The following FSTL5 variants were observed in gnomAD, a reference collection of about 807,000 sequenced individuals.
The protein encoded by FSTL5 is follistatin-related protein 5.
Under a neutral mutation model 89.1 loss-of-function variants are expected in FSTL5, and 62 were observed. That is an observed-to-expected ratio of 0.70 (90% CI 0.57 to 0.86). FSTL5 has a LOEUF of 0.86. FSTL5 is among the 40% of genes least tolerant of loss of function. FSTL5 has a pLI of 0.00. For synonymous variants in FSTL5, 383 were observed against 346.2 expected (o/e 1.11, Z -1.18); for missense variants, 1,057 against 1,001.6 (o/e 1.06, Z -0.75).
intron 15 of FSTL5, among the ~76,000 whole-genome samples, chr4:161,420,660 A>G (rs1233715083): frequency 6.6e-6 from 1 of 151,614 alleles, no homozygotes; most frequent in Non-Finnish European, 1.5e-5. Flanking sequence ...CTGTATATGC[A>G]ATATTATTTA....
At chr4:161,663,119 G>A (rs1412311844) in intron 6 of FSTL5, among the ~76,000 whole-genome samples, 1 of 152,002 alleles carries the variant, frequency 6.6e-6, no homozygotes, top group South Asian at 2.1e-4. Flanking sequence ...TGAGAATTCC[G>A]GGAGATAGGA....
intron 2 of FSTL5, among the ~76,000 whole-genome samples, chr4:162,071,917 A>C (rs961172206): frequency 1.3e-5 from 2 of 151,842 alleles, no homozygotes; most frequent in Non-Finnish European, 2.9e-5. Context: ...TCAGTGAAGA[A>C]ATTAATAGGA....
chr4:161,913,123 T>A (rs1482873916), intron 4 of FSTL5, among the ~76,000 whole-genome samples: 3 of 152,124 alleles, frequency 2.0e-5, no homozygotes, highest in African/African-American at 4.8e-5. Flanking sequence ...TCAAAAAAAA[T>A]TTCAGCCTGA....
intron 4 of FSTL5, among the ~76,000 whole-genome samples, chr4:161,848,874 G>T (rs1285350797): frequency 2.0e-5 from 3 of 152,094 alleles, no homozygotes; most frequent in African/African-American, 7.2e-5. Context: ...ACCAAAGTAA[G>T]TCGTATAGGC....
intron 3 of FSTL5, among the ~76,000 whole-genome samples, chr4:161,951,947 A>G (rs1578887519): frequency 6.6e-6 from 1 of 152,198 alleles, no homozygotes; most frequent in East Asian, 1.9e-4. Flanking sequence ...ATTTAGATGT[A>G]CTATAAACAA....
intron 11 of FSTL5, among the ~76,000 whole-genome samples, chr4:161,509,785 C>T (rs1457779264): frequency 6.6e-6 from 1 of 152,146 alleles, no homozygotes; most frequent in East Asian, 1.9e-4. Context: ...CAAACGCATT[C>T]TTCCCAGCCT....
At chr4:161,520,063 A>C (rs1730971717) in intron 10 of FSTL5, among the ~76,000 whole-genome samples, 1 of 152,140 alleles carries the variant, frequency 6.6e-6, no homozygotes, top group Non-Finnish European at 1.5e-5. Context: ...CATTGCAAAA[A>C]AGTATACCTT....
intron 1 of FSTL5, among the ~76,000 whole-genome samples, chr4:162,126,770 C>T (rs372413512): frequency 6.6e-6 from 1 of 152,074 alleles, no homozygotes; most frequent in East Asian, 1.9e-4. Flanking sequence ...CAGGCTTTTA[C>T]AAAATTTTAT....
intron 2 of FSTL5, among the ~76,000 whole-genome samples, chr4:162,081,142 A>G (rs2111333504): frequency 6.6e-6 from 1 of 151,792 alleles, no homozygotes; most frequent in South Asian, 2.1e-4. Context: ...AATGATGAAT[A>G]TTTAATCACT....
At chr4:161,697,727 G>A (rs979088118) in intron 6 of FSTL5, among the ~76,000 whole-genome samples, 1 of 152,136 alleles carries the variant, frequency 6.6e-6, no homozygotes. Context: ...AGGGCATTGT[G>A]TTAAGTAAAA....
chr4:162,163,114 T>C (rs190421190), intron 1 of FSTL5, among the ~76,000 whole-genome samples: 39 of 152,246 alleles, frequency 2.6e-4, no homozygotes, highest in Non-Finnish European at 4.1e-4. Flanking sequence ...TTCCAAAAAA[T>C]GTTAAGAGAG....
At chr4:161,531,408 G>C (rs1578903363) in intron 10 of FSTL5, among the ~76,000 whole-genome samples, 1 of 152,132 alleles carries the variant, frequency 6.6e-6, no homozygotes, top group African/African-American at 2.4e-5. Flanking sequence ...GCTGTATCCA[G>C]ACAAAGTGAG....
At chr4:161,918,840 A>T (rs1331906862) in intron 4 of FSTL5, among the ~76,000 whole-genome samples, 1 of 151,778 alleles carries the variant, frequency 6.6e-6, no homozygotes, top group East Asian at 1.9e-4. Context: ...ATGGGGTTTC[A>T]TCATATTGGC....
Position 161,838,343 on chromosome 4 carries a change from A to G in FSTL5, c.410-62269T>C, listed in dbSNP as rs535796873. ...GCCCAGACTGGAGCGCAGAGGCGTG[A>G]TCTCAGATCACTGCAACCTCCGCCT... On this transcript the variant is annotated intron_variant, in intron 4 of 15. Transcript: ENST00000306100. 2.6e-5 allele frequency among the ~76,000 whole-genome samples: 4 copies of G among 152,284 alleles called. No individual in the cohort carries two copies. In the South Asian group the frequency reaches 6.2e-4, roughly 24 times the overall value.
intron 2 of FSTL5, among the ~76,000 whole-genome samples, chr4:162,055,038 G>A (rs1235607292): frequency 1.3e-5 from 2 of 151,852 alleles, no homozygotes; most frequent in African/African-American, 4.8e-5. Flanking sequence ...ACTAGTTATT[G>A]TTTTTGTGGA....
intron 7 of FSTL5, among the ~76,000 whole-genome samples, chr4:161,646,359 A>C (rs1736154271): frequency 6.6e-6 from 1 of 150,732 alleles, no homozygotes; most frequent in South Asian, 2.1e-4. Flanking sequence ...TTAAATATTA[A>C]AAATTCAGCA....
chr4:161,459,961 AT>A (rs1733501891), intron 13 of FSTL5, among the ~76,000 whole-genome samples: 3 of 151,046 alleles, frequency 2.0e-5, no homozygotes, highest in Admixed American at 2.0e-4. Flanking sequence ...TATGTATAAT[AT>A]TTATAATATT....
chr4:162,152,617 A>C (rs911418237), intron 1 of FSTL5, among the ~76,000 whole-genome samples: 20 of 152,176 alleles, frequency 1.3e-4, no homozygotes, highest in African/African-American at 4.6e-4. Flanking sequence ...AAAGTGTTGT[A>C]AGCATTTCTC....
At chr4:162,057,332 C>G (rs922960643) in intron 2 of FSTL5, among the ~76,000 whole-genome samples, 1 of 152,146 alleles carries the variant, frequency 6.6e-6, no homozygotes, top group African/African-American at 2.4e-5. Flanking sequence ...TCTCCGTCTC[C>G]CCTGCCATTA....
Sources: allele counts gnomAD v4.1 joint callset (sites outside exome capture counted in the v4.1 genomes callset), GRCh38; gene constraint gnomAD v4.1.1; transcripts MANE v1.5; gene names NCBI Gene and HGNC (gene_info 2026-07-23, HGNC 2026-07-21).